The following KLHL1 variants were observed in gnomAD, a reference collection of about 807,000 sequenced individuals.
KLHL1 encodes the protein kelch like family member 1.
Under a neutral mutation model 77.7 loss-of-function variants are expected in KLHL1, and 47 were observed. The observed-to-expected ratio is 0.60, with a 90% CI of 0.48 to 0.77. The LOEUF is 0.77. Among genes scored for constraint, KLHL1 ranks in the 30% least tolerant of loss-of-function variants. The probability of loss-of-function intolerance (pLI) is 0.00; values close to 1 mark genes in which losing one functional copy is unlikely to be tolerated. For synonymous variants in KLHL1, 360 were observed against 325.2 expected (o/e 1.11, Z -1.15); for missense variants, 925 against 910.8 (o/e 1.02, Z -0.20).
chr13:69,796,599 T>G, intron 7 of KLHL1, 139 bp downstream of exon 7: 2 of 674,894 alleles, frequency 3.0e-6, no homozygotes. Flanking sequence ...GAAATTTTTC[T>G]ATGTTAATTA....
intron 2 of KLHL1, 37 bp downstream of exon 2, chr13:69,975,583 G>A (rs748336102): frequency 5.8e-6 from 9 of 1,563,890 alleles, no homozygotes; most frequent in Admixed American, 3.8e-5. Context: ...TTTTAAACAT[G>A]TGAATGCATG....
chr13:69,974,930 A>G (rs1884499119), intron 2 of KLHL1, among the ~76,000 whole-genome samples: 5 of 152,070 alleles, frequency 3.3e-5, no homozygotes, highest in Non-Finnish European at 7.4e-5. Flanking sequence ...GTTAGCTGAC[A>G]GATTGAACTC....
intron 9 of KLHL1, among the ~76,000 whole-genome samples, chr13:69,714,801 C>T (rs7323485): frequency 0.34 from 51,587 of 151,592 alleles, 8,963 homozygotes; most frequent in Non-Finnish European, 0.37. Flanking sequence ...GCTCTGTTGT[C>T]CAGGATGGTC....
chr13:70,048,124 A>T (rs1039900240), intron 1 of KLHL1, among the ~76,000 whole-genome samples: 2 of 152,180 alleles, frequency 1.3e-5, no homozygotes, highest in African/African-American at 4.8e-5. Context: ...TTAAAAAATG[A>T]TATTATTGCA....
chr13:69,901,886 C>T (rs141091126), intron 4 of KLHL1, among the ~76,000 whole-genome samples: 1,629 of 150,550 alleles, frequency 0.011, 24 homozygotes, highest in African/African-American at 0.037. Context: ...CAACCTCTGC[C>T]TCACGGGTTC....
chr13:69,863,859 AATTT>A (rs1210473249), intron 5 of KLHL1, among the ~76,000 whole-genome samples: 14 of 152,190 alleles, frequency 9.2e-5, no homozygotes, highest in African/African-American at 3.4e-4. Context: ...ATATTTTAAT[AATTT>A]ATTTAGGCTG....
intron 7 of KLHL1, among the ~76,000 whole-genome samples, chr13:69,741,069 T>A (rs1305593545): frequency 6.6e-6 from 1 of 152,206 alleles, no homozygotes; most frequent in African/African-American, 2.4e-5. Flanking sequence ...TAGTATTTTC[T>A]GTGCTTTGGT....
intron 3 of KLHL1, among the ~76,000 whole-genome samples, chr13:69,961,031 T>C (rs1884047729): frequency 6.6e-6 from 1 of 152,044 alleles, no homozygotes; most frequent in Non-Finnish European, 1.5e-5. Context: ...TATTATTCAA[T>C]AATTTGTATC....
At chr13:69,768,061 CATG>C (rs766134249) in intron 7 of KLHL1, among the ~76,000 whole-genome samples, 1 of 152,136 alleles carries the variant, frequency 6.6e-6, no homozygotes, top group African/African-American at 2.4e-5. Flanking sequence ...TCATATTTCA[CATG>C]ATATTTCTTA....
chr13:69,939,270 C>A (rs192554044), intron 4 of KLHL1, among the ~76,000 whole-genome samples: 1 of 144,670 alleles, frequency 6.9e-6, no homozygotes, highest in Admixed American at 7.0e-5. Flanking sequence ...TTAAACTGTA[C>A]AATTGAAATG....
At chr13:69,972,097 T>C (rs1884397946) in intron 2 of KLHL1, among the ~76,000 whole-genome samples, 1 of 151,982 alleles carries the variant, frequency 6.6e-6, no homozygotes, top group Admixed American at 6.6e-5. Context: ...ATGTTATTCC[T>C]CTACTATTAA....
chr13:69,753,683 A>G (rs2137952558), intron 7 of KLHL1, among the ~76,000 whole-genome samples: 1 of 152,278 alleles, frequency 6.6e-6, no homozygotes, highest in African/African-American at 2.4e-5. Context: ...TTAAAAATTC[A>G]GTAGGTGTAA....
At chr13:69,864,314 A>G (rs61965684) in intron 5 of KLHL1, among the ~76,000 whole-genome samples, 34,082 of 151,760 alleles carry the variant, frequency 0.22, 4,048 homozygotes, top group Non-Finnish European at 0.25. Context: ...AAGAAAAATC[A>G]TTAAATATGT....
chr13:70,000,416 C>A (rs1164414234), intron 1 of KLHL1, among the ~76,000 whole-genome samples: 1 of 151,142 alleles, frequency 6.6e-6, no homozygotes, highest in Non-Finnish European at 1.5e-5. Flanking sequence ...AGTTTCTTCC[C>A]AAAACTAATA....
At chr13:70,088,619 G>T (rs1259588406) in intron 1 of KLHL1, among the ~76,000 whole-genome samples, 1 of 152,092 alleles carries the variant, frequency 6.6e-6, no homozygotes, top group African/African-American at 2.4e-5. Context: ...GGAGTTGGAC[G>T]TTATAGTCAG....
intron 4 of KLHL1, among the ~76,000 whole-genome samples, chr13:69,937,913 GAA>G (rs1241477259): frequency 6.6e-6 from 1 of 152,066 alleles, no homozygotes; most frequent in African/African-American, 2.4e-5. Context: ...TAAAAATTTT[GAA>G]AGTGTTCCTT....
intron 6 of KLHL1, among the ~76,000 whole-genome samples, chr13:69,806,063 C>A (rs1370049425): frequency 6.6e-6 from 1 of 151,884 alleles, no homozygotes; most frequent in East Asian, 1.9e-4. Context: ...CAGAAATAAC[C>A]CTAATACATA....
intron 4 of KLHL1, among the ~76,000 whole-genome samples, chr13:69,916,926 C>A (rs1429072404): frequency 1.3e-5 from 2 of 151,224 alleles, no homozygotes; most frequent in Non-Finnish European, 2.9e-5. Context: ...ATAGTGCAAG[C>A]AAAAAGAAAA....
intron 5 of KLHL1, among the ~76,000 whole-genome samples, chr13:69,846,131 G>A (rs910681887): frequency 8.6e-5 from 13 of 151,440 alleles, no homozygotes; most frequent in Admixed American, 2.0e-4. Flanking sequence ...CTATCCAAAC[G>A]AATTAAACAT....
Sources: gnomAD v4.1 joint callset for allele counts (sites outside exome capture counted in the v4.1 genomes callset) on GRCh38, gnomAD v4.1.1 for gene constraint, MANE v1.5 for transcripts, NCBI Gene and HGNC (gene_info 2026-07-23, HGNC 2026-07-21) for gene names.